FAM168A: variants seen among roughly 807,000 people sequenced by gnomAD.
FAM168A encodes the protein protein FAM168A.
FAM168A carries 3 observed loss-of-function variants against 28.5 expected under a neutral mutation model. That is an observed-to-expected ratio of 0.11 (90% CI 0.05 to 0.27). The LOEUF is 0.27. FAM168A is among the 10% of genes least tolerant of loss of function. The pLI is 1.00. For missense variants in FAM168A, 222 were observed against 311.5 expected (o/e 0.71, Z 2.16); for synonymous variants, 122 against 124.2 (o/e 0.98, Z 0.12).
intron 5 of FAM168A, among the ~76,000 whole-genome samples, 194 bp from the exon 6 acceptor site, chr11:73,409,855 G>A (rs1866577329): frequency 6.6e-6 from 1 of 152,312 alleles, no homozygotes; most frequent in East Asian, 1.9e-4. Flanking sequence ...GTCCTGCCTT[G>A]CTCATAAGGC....
Position 73,405,916 on chromosome 11 carries a change from G to A in FAM168A, c.*847C>T, listed in dbSNP as rs1866496944. On this transcript the variant is annotated 3_prime_UTR_variant, in exon 8 of 8. Transcript: ENST00000356467. ...GGCCTTCCAAGGCCTCGGGATGCTGGGATCCTACCACCCTGCAGCCGCTTG... is the reference window on the plus strand; with the variant it reads ...GGCCTTCCAAGGCCTCGGGATGCTGAGATCCTACCACCCTGCAGCCGCTTG... 6.5e-6 allele frequency: 1 copy of A among 152,672 alleles called. No homozygotes were observed. Among genetic ancestry groups the A allele is most frequent in the Non-Finnish European group, 1.5e-5 (1 of 68,094 alleles). The allele number at this position is 152,672 out of a possible 1,614,324, so 9.5% of individuals were successfully genotyped here. A position where few individuals can be genotyped will look rare whatever the true frequency, so the allele number is the denominator to read the frequency against.
intron 1 of FAM168A, among the ~76,000 whole-genome samples, chr11:73,540,615 A>G (rs2134676226): frequency 6.6e-6 from 1 of 152,186 alleles, no homozygotes; most frequent in Middle Eastern, 3.4e-3. Flanking sequence ...ACTCCCTTCT[A>G]TTATATCTTC....
intron 1 of FAM168A, among the ~76,000 whole-genome samples, chr11:73,548,312 T>C (rs975967048): frequency 2.1e-5 from 3 of 143,086 alleles, no homozygotes; most frequent in South Asian, 2.1e-4. Context: ...GGAAGTAAGA[T>C]GATAATAATA....
At chr11:73,480,802 G>A (rs914635519) in intron 1 of FAM168A, among the ~76,000 whole-genome samples, 1 of 152,042 alleles carries the variant, frequency 6.6e-6, no homozygotes, top group Admixed American at 6.6e-5. Context: ...CTCAAACCTG[G>A]GTCTACAGAC....
At chr11:73,513,056 A>G (rs1411454718) in intron 1 of FAM168A, among the ~76,000 whole-genome samples, 1 of 152,230 alleles carries the variant, frequency 6.6e-6, no homozygotes, top group Non-Finnish European at 1.5e-5. Flanking sequence ...GGGATATTCA[A>G]TATCACTGAC....
At chr11:73,418,878 G>C (rs960420958) in intron 4 of FAM168A, among the ~76,000 whole-genome samples, 2 of 148,206 alleles carry the variant, frequency 1.3e-5, no homozygotes, top group Admixed American at 1.4e-4. Context: ...GCGTGATCTT[G>C]GCTCACTGCA....
At chr11:73,573,149 G>A (rs1056413194) in intron 1 of FAM168A, among the ~76,000 whole-genome samples, 4 of 152,108 alleles carry the variant, frequency 2.6e-5, no homozygotes, top group Admixed American at 6.5e-5. Flanking sequence ...ATCGCAAGAC[G>A]CACTTGGAAC....
At chr11:73,504,346 A>G (rs1407604641) in intron 1 of FAM168A, among the ~76,000 whole-genome samples, 1 of 152,234 alleles carries the variant, frequency 6.6e-6, no homozygotes, top group Non-Finnish European at 1.5e-5. Flanking sequence ...TGGGCAAAGG[A>G]TATGAACAGA....
At chr11:73,576,754 G>A (rs1250366277) in intron 1 of FAM168A, among the ~76,000 whole-genome samples, 1 of 152,092 alleles carries the variant, frequency 6.6e-6, no homozygotes, top group Non-Finnish European at 1.5e-5. Context: ...TCACCCAGGA[G>A]GGAAGAATCT....
At chr11:73,473,439 T>C (rs1867842600) in intron 1 of FAM168A, among the ~76,000 whole-genome samples, 1 of 152,182 alleles carries the variant, frequency 6.6e-6, no homozygotes, top group African/African-American at 2.4e-5. Context: ...AGGGAGGCAG[T>C]TCATATCTAC....
At chr11:73,552,748 G>C (rs1943844117) in intron 1 of FAM168A, among the ~76,000 whole-genome samples, 2 of 152,174 alleles carry the variant, frequency 1.3e-5, no homozygotes, top group Admixed American at 1.3e-4. Context: ...CTTGAGGTCA[G>C]AAGTTCAAGA....
At chr11:73,502,046 A>G (rs1374048769) in intron 1 of FAM168A, among the ~76,000 whole-genome samples, 1 of 149,476 alleles carries the variant, frequency 6.7e-6, no homozygotes, top group Non-Finnish European at 1.5e-5. Flanking sequence ...GCTTGCAGTG[A>G]GCTGAGATTG....
At chr11:73,424,348 G>C (rs1565238175) in intron 3 of FAM168A, among the ~76,000 whole-genome samples, 1 of 152,144 alleles carries the variant, frequency 6.6e-6, no homozygotes, top group Non-Finnish European at 1.5e-5. Context: ...CCCTCCCATG[G>C]TCCCTTCCTG....
intron 1 of FAM168A, among the ~76,000 whole-genome samples, chr11:73,574,888 C>T (rs1006736293): frequency 3.3e-5 from 5 of 151,708 alleles, no homozygotes; most frequent in African/African-American, 9.7e-5. Flanking sequence ...TTTAATAAAT[C>T]CTGAGGCCAA....
At chr11:73,524,225 T>G (rs1262637091) in intron 1 of FAM168A, among the ~76,000 whole-genome samples, 1 of 152,186 alleles carries the variant, frequency 6.6e-6, no homozygotes, top group East Asian at 1.9e-4. Context: ...TATGGTGTTC[T>G]GAAATTTTAT....
chr11:73,534,546 G>A (rs1943553277), intron 1 of FAM168A, among the ~76,000 whole-genome samples: 1 of 151,968 alleles, frequency 6.6e-6, no homozygotes, highest in Admixed American at 6.6e-5. Flanking sequence ...GGGATTACAG[G>A]AGCCCACCAC....
chr11:73,432,184 G>A (rs984322238), intron 2 of FAM168A, among the ~76,000 whole-genome samples: 5 of 152,144 alleles, frequency 3.3e-5, no homozygotes, highest in East Asian at 1.9e-4. Flanking sequence ...GTTGAGGGAC[G>A]CCCAGGTTGT....
intron 1 of FAM168A, among the ~76,000 whole-genome samples, chr11:73,563,655 A>G (rs1272352123): frequency 1.3e-5 from 2 of 152,224 alleles, no homozygotes; most frequent in African/African-American, 2.4e-5. Flanking sequence ...GGAGACCCAA[A>G]AGCTTTTCCT....
chr11:73,544,918 TATATA>T (rs1943715243), intron 1 of FAM168A, among the ~76,000 whole-genome samples: 1 of 95,130 alleles, frequency 1.1e-5, no homozygotes, highest in African/African-American at 4.9e-5. Context: ...ATATATATTA[TATATA>T]ATATAAAATA....
Sources: gnomAD v4.1 joint callset for allele counts (sites outside exome capture counted in the v4.1 genomes callset) on GRCh38, gnomAD v4.1.1 for gene constraint, MANE v1.5 for transcripts, NCBI Gene and HGNC (gene_info 2026-07-23, HGNC 2026-07-21) for gene names.